Variants in RAPGEF6 observed in about 807,000 individuals in gnomAD.
RAPGEF6 encodes PDZ domain containing guanine nucleotide exchange factor (GEF) 2.
A neutral mutation model predicts 171.4 loss-of-function variants in RAPGEF6; 56 were observed. That is an observed-to-expected ratio of 0.33 (90% confidence interval 0.26 to 0.41). The LOEUF is 0.41. Among genes scored for constraint, RAPGEF6 ranks in the 10% least tolerant of loss-of-function variants. RAPGEF6 has a pLI of 1.00. For missense variants in RAPGEF6, 1,674 were observed against 1,921.4 expected (o/e 0.87, Z 2.41); for synonymous variants, 692 against 650.1 (o/e 1.06, Z -0.98).
At chr5:131,444,678 A>G (rs906466785) in intron 22 of RAPGEF6, among the ~76,000 whole-genome samples, 4 of 152,226 alleles carry the variant, frequency 2.6e-5, no homozygotes, top group African/African-American at 9.6e-5. Context: ...AATATGTAGC[A>G]TGGGACATCA....
At position 131,461,568 on chromosome 5, in the gene RAPGEF6, A is replaced by G. The variant is rs1053119571; in HGVS notation, c.2864+137T>C. On this transcript the variant is annotated intron_variant, in intron 19 of 27. Coordinates refer to ENST00000509018, the MANE Select transcript of RAPGEF6 (RefSeq NM_016340.6). Reference sequence around the variant, plus strand: ...CCAATACCACCAAAATGGAAAATACATTAAATCTAACAACACTTCAATAAA... The same window carrying G: ...CCAATACCACCAAAATGGAAAATACGTTAAATCTAACAACACTTCAATAAA... The G allele has an allele frequency of 3.5e-6, 3 of 853,224 alleles. No individual in the cohort carries two copies. In the Admixed American group the frequency reaches 1.1e-4, roughly 30 times the overall value. 52.9% of individuals were successfully genotyped at this position (853,224 alleles called of 1,614,324 possible).
chr5:131,460,363 C>G (rs1408335489), intron 19 of RAPGEF6, among the ~76,000 whole-genome samples: 1 of 152,150 alleles, frequency 6.6e-6, no homozygotes, highest in Non-Finnish European at 1.5e-5. Context: ...AGTCATCATA[C>G]TAAGGTATGG....
intron 3 of RAPGEF6, among the ~76,000 whole-genome samples, chr5:131,598,054 A>C (rs1361163063): frequency 1.3e-5 from 2 of 152,192 alleles, no homozygotes; most frequent in East Asian, 3.8e-4. Flanking sequence ...CAAATAACCT[A>C]AAACCAACAG....
intron 16 of RAPGEF6, among the ~76,000 whole-genome samples, chr5:131,473,912 G>C (rs865926518): frequency 5.8e-4 from 88 of 152,170 alleles, no homozygotes; most frequent in African/African-American, 2.1e-3. Flanking sequence ...AAGAGTCAGA[G>C]AAAAGCAAAG....
At chr5:131,561,809 A>T (rs1761621667) in intron 5 of RAPGEF6, among the ~76,000 whole-genome samples, 169 bp downstream of exon 5, 2 of 152,206 alleles carry the variant, frequency 1.3e-5, no homozygotes, top group African/African-American at 2.4e-5. Context: ...GATCAAAAAA[A>T]GTCTGAAGAG....
chr5:131,570,942 CT>C (rs767023216), intron 4 of RAPGEF6, among the ~76,000 whole-genome samples: 2,282 of 128,520 alleles, frequency 0.018, 30 homozygotes, highest in African/African-American at 0.046. Flanking sequence ...TCCCCAACTA[CT>C]TTTTTTTTTT....
intron 6 of RAPGEF6, among the ~76,000 whole-genome samples, chr5:131,542,476 C>T (rs1362792857): frequency 2.0e-5 from 3 of 152,164 alleles, no homozygotes; most frequent in African/African-American, 7.2e-5. Context: ...GCTGACAGAA[C>T]AGGCACTCTT....
At chr5:131,461,484 C>T (rs1753931686) in intron 19 of RAPGEF6, among the ~76,000 whole-genome samples, 1 of 151,998 alleles carries the variant, frequency 6.6e-6, no homozygotes, top group African/African-American at 2.4e-5. Flanking sequence ...AGGCAATCAC[C>T]CACTTTCATT....
intron 4 of RAPGEF6, among the ~76,000 whole-genome samples, chr5:131,581,696 A>T (rs1762971477): frequency 6.6e-6 from 1 of 152,176 alleles, no homozygotes; most frequent in African/African-American, 2.4e-5. Context: ...TATTAACATA[A>T]AAAGACAGGA....
chr5:131,440,714 G>A (rs1324639864), intron 23 of RAPGEF6, among the ~76,000 whole-genome samples: 1 of 144,226 alleles, frequency 6.9e-6, no homozygotes, highest in African/African-American at 2.6e-5. Context: ...CTCCAGCCTG[G>A]GCGACAGAGG....
chr5:131,594,202 C>T (rs1468074200), intron 3 of RAPGEF6, among the ~76,000 whole-genome samples: 2 of 152,218 alleles, frequency 1.3e-5, no homozygotes, highest in East Asian at 1.9e-4. Context: ...GCAGATTTAC[C>T]GCATGCTGTT....
rs551608880 is a variant in RAPGEF6 at position 131,564,340 on chromosome 5, T to C, written c.282-2293A>G. 4.5e-4 allele frequency among the ~76,000 whole-genome samples: 69 copies of C among 152,320 alleles called. 1 individual carries two copies. In the South Asian group the frequency reaches 0.014, roughly 31 times the overall value. On this transcript the variant is annotated intron_variant, in intron 4 of 27. Transcript: ENST00000509018. The stretch of plus-strand genomic sequence containing the variant: ...AGTCTTTGAGTGAGTACTGTGGATA[T>C]GTGAGAACAAAGAGTCACAGAGGAA...
rs564627384 is a variant in RAPGEF6 at position 131,561,970 on chromosome 5, G to A, written c.351+8C>T. 1 of 1,580,526 alleles carries A rather than the reference G, an allele frequency of 6.3e-7. No homozygotes were observed. Among genetic ancestry groups the A allele is most frequent in the Non-Finnish European group, 8.6e-7 (1 of 1,156,368 alleles). On this transcript the variant is annotated splice_region_variant and intron_variant, in intron 5 of 27. Coordinates refer to ENST00000509018, the MANE Select transcript of RAPGEF6 (RefSeq NM_016340.6). Reference sequence around the variant, plus strand: ...CAAAAACAATTCAGCATTCTTTAAAGTTCTTACCACAATCATTTCTGAAGG... The same window carrying A: ...CAAAAACAATTCAGCATTCTTTAAAATTCTTACCACAATCATTTCTGAAGG...
intron 4 of RAPGEF6, among the ~76,000 whole-genome samples, chr5:131,579,094 G>C (rs1168730130): frequency 6.6e-6 from 1 of 152,172 alleles, no homozygotes; most frequent in East Asian, 1.9e-4. Flanking sequence ...GGTCTCGCTG[G>C]CTTCAGGAGT....
intron 7 of RAPGEF6, among the ~76,000 whole-genome samples, chr5:131,518,052 C>G (rs1758215127): frequency 6.6e-6 from 1 of 151,788 alleles, no homozygotes; most frequent in Admixed American, 6.6e-5. Context: ...AAAAACTACC[C>G]ACAAACCCAC....
intron 11 of RAPGEF6, among the ~76,000 whole-genome samples, chr5:131,499,765 T>C (rs1164698250): frequency 6.6e-6 from 1 of 152,120 alleles, no homozygotes; most frequent in Non-Finnish European, 1.5e-5. Context: ...CAACCTTCAA[T>C]TTGTTGCAGT....
chr5:131,516,045 CCTTTTTTTTTTTTTTTTTTTTTTTT>C (rs1758050952), intron 7 of RAPGEF6, among the ~76,000 whole-genome samples: 1 of 94,354 alleles, frequency 1.1e-5, no homozygotes, highest in African/African-American at 4.1e-5. Context: ...CAGATGATAT[CCTTTTTTTTTTTTTTTTTTTTTTTT>C]TTTTTTTTTT....
intron 15 of RAPGEF6, among the ~76,000 whole-genome samples, chr5:131,487,310 T>C (rs1415791099): frequency 6.6e-6 from 1 of 152,228 alleles, no homozygotes; most frequent in African/African-American, 2.4e-5. Context: ...GAACAAAGCT[T>C]CCAGAGGGTG....
chr5:131,551,438 G>A (rs1319650092), intron 5 of RAPGEF6, among the ~76,000 whole-genome samples: 2 of 151,926 alleles, frequency 1.3e-5, no homozygotes, highest in East Asian at 3.9e-4. Flanking sequence ...CTTCAAACCG[G>A]GCGGCAGAGG....
Sources: allele counts gnomAD v4.1 joint callset (sites outside exome capture counted in the v4.1 genomes callset), GRCh38; gene constraint gnomAD v4.1.1; transcripts MANE v1.5; gene names NCBI Gene and HGNC (gene_info 2026-07-23, HGNC 2026-07-21).